LRP1B: variants seen among roughly 807,000 people sequenced by gnomAD.
LRP1B encodes the protein low-density lipoprotein receptor-related protein 1B.
A neutral mutation model predicts 556.6 loss-of-function variants in LRP1B; 217 were observed. That is an observed-to-expected ratio of 0.39 (90% CI 0.35 to 0.44). LRP1B has a LOEUF of 0.44. Among genes scored for constraint, LRP1B ranks in the 20% least tolerant of loss-of-function variants. LRP1B has a pLI of 1.00. For missense variants in LRP1B, 5,053 were observed against 5,620.8 expected, an observed-to-expected ratio of 0.90 and a Z score of 3.23; for synonymous variants, 2,047 against 1,865.8, an observed-to-expected ratio of 1.10 and a Z score of -2.50.
chr2:140,295,383 T>C (rs1257715101), intron 84 of LRP1B, among the ~76,000 whole-genome samples: 5 of 152,192 alleles, frequency 3.3e-5, no homozygotes, highest in Non-Finnish European at 7.3e-5. Context: ...TAAACTACTT[T>C]AAATGTTTTC....
At chr2:141,175,768 C>T (rs1450858194) in intron 7 of LRP1B, among the ~76,000 whole-genome samples, 1 of 152,068 alleles carries the variant, frequency 6.6e-6, no homozygotes, top group Non-Finnish European at 1.5e-5. Flanking sequence ...AATGGAAGAT[C>T]TACCAACAGC....
At chr2:140,834,347 C>T (rs60798059) in intron 31 of LRP1B, among the ~76,000 whole-genome samples, 6,176 of 152,230 alleles carry the variant, frequency 0.041, 412 homozygotes, top group African/African-American at 0.14. Flanking sequence ...TCAAGCGATC[C>T]TCCTGCCTCA....
intron 11 of LRP1B, among the ~76,000 whole-genome samples, chr2:141,024,381 T>C (rs1028828843): frequency 7.2e-5 from 11 of 152,002 alleles, no homozygotes; most frequent in African/African-American, 2.7e-4. Flanking sequence ...CAAAGAGATA[T>C]GTAGAGTGCA....
chr2:141,320,093 GAACACACCTTGAATAGC>G (rs1687182633), intron 3 of LRP1B, among the ~76,000 whole-genome samples: 1 of 151,924 alleles, frequency 6.6e-6, no homozygotes, highest in Admixed American at 6.6e-5. Context: ...CTAGACTATG[GAACACACCTTGAATAGC>G]AAGGTTCTAC....
At chr2:140,876,022 C>T (rs188372110) in intron 25 of LRP1B, among the ~76,000 whole-genome samples, 33 of 152,182 alleles carry the variant, frequency 2.2e-4, no homozygotes, top group African/African-American at 7.9e-4. Context: ...GTTTTATAAT[C>T]AGCTATAAAA....
intron 1 of LRP1B, among the ~76,000 whole-genome samples, chr2:141,959,858 T>C (rs891737835): frequency 9.9e-5 from 15 of 151,952 alleles, no homozygotes; most frequent in African/African-American, 3.6e-4. Flanking sequence ...AGCACAGTAC[T>C]GATGAGCAGA....
At chr2:140,641,167 A>G (rs2105299279) in intron 41 of LRP1B, among the ~76,000 whole-genome samples, 1 of 152,332 alleles carries the variant, frequency 6.6e-6, no homozygotes, top group African/African-American at 2.4e-5. Flanking sequence ...TCTAAGTAGC[A>G]AAGCCTTTTG....
Position 142,088,202 on chromosome 2 carries a change from G to A in LRP1B, c.82+42446C>T, listed in dbSNP as rs1706016755. Among the ~76,000 whole-genome samples, 2 of 152,084 alleles carry A rather than the reference G, an allele frequency of 1.3e-5. 1 individual carries two copies. The highest frequency in any genetic ancestry group is 4.8e-5 in the African/African-American group (2 of 41,434). On this transcript the variant is annotated intron_variant, in intron 1 of 90. Coordinates refer to ENST00000389484, the MANE Select transcript of LRP1B (RefSeq NM_018557.3). ...TTTAAATTTTGCATAAAGGATATCA[G>A]TTATACTACTTGATATTTAGAAGAT...
At chr2:141,455,816 C>T (rs1295644568) in intron 3 of LRP1B, among the ~76,000 whole-genome samples, 1 of 152,130 alleles carries the variant, frequency 6.6e-6, no homozygotes, top group African/African-American at 2.4e-5. Context: ...GCCATTTAAA[C>T]TTGAAAATGT....
chr2:141,287,106 G>A (rs1182326537), intron 3 of LRP1B, among the ~76,000 whole-genome samples: 3 of 152,082 alleles, frequency 2.0e-5, no homozygotes, highest in Admixed American at 1.3e-4. Flanking sequence ...CATTAACTTA[G>A]TTAGGAGTTT....
rs2105359202 is a variant in LRP1B, at chr2:140,994,119, T to A, written c.2520A>T (p.Ala840=). 6.2e-7 allele frequency: 1 copy of A among 1,612,490 alleles called. No homozygotes were observed. Among genetic ancestry groups the A allele is most frequent in the South Asian group, 1.1e-5 (1 of 91,020 alleles). The change falls in exon 16 of 91, where the codon GCA becomes GCT. Residue 840 remains alanine (A), a synonymous_variant. Transcript: ENST00000389484. ...GTTCTFNPGE[A]LPHICKAGEF... The stretch of plus-strand genomic sequence containing the variant: ...CTCCAGCTTTACATATGTGAGGTAG[T>A]GCTTCTCCAGGATTAACTAGAGTTA...
chr2:140,353,112 A>G lies in LRP1B; in HGVS notation c.11531-40T>C, dbSNP rs1371998770. On this transcript the variant is annotated intron_variant, in intron 75 of 90. Transcript: ENST00000389484. Reference sequence around the variant, plus strand: ...CTCAAAATAGCATCATCATACCCTCAATTCAGACTCCTATTCTTACCACGT... The same window carrying G: ...CTCAAAATAGCATCATCATACCCTCGATTCAGACTCCTATTCTTACCACGT... 40 of 1,605,412 alleles carry G rather than the reference A, an allele frequency of 2.5e-5. 1 individual carries two copies. The East Asian group carries it at 9.0e-4, about 36-fold the overall frequency.
At chr2:140,684,071 T>C (rs1471391696) in intron 41 of LRP1B, among the ~76,000 whole-genome samples, 2 of 152,160 alleles carry the variant, frequency 1.3e-5, no homozygotes, top group Non-Finnish European at 2.9e-5. Flanking sequence ...TATATTTTAA[T>C]AATACCAATG....
intron 21 of LRP1B, among the ~76,000 whole-genome samples, chr2:140,908,329 CTCTCTA>C (rs1170292730): frequency 2.2e-5 from 3 of 134,764 alleles, no homozygotes; most frequent in Non-Finnish European, 3.1e-5. Flanking sequence ...TGCTCTCTCT[CTCTCTA>C]TATATATATA....
intron 10 of LRP1B, among the ~76,000 whole-genome samples, chr2:141,049,902 G>A (rs892252633): frequency 6.6e-6 from 1 of 151,814 alleles, no homozygotes; most frequent in South Asian, 2.1e-4. Flanking sequence ...AAAACCCCAA[G>A]CAAAAAACTG....
chr2:142,004,516 C>T (rs1047247558), intron 1 of LRP1B, among the ~76,000 whole-genome samples: 3 of 151,376 alleles, frequency 2.0e-5, no homozygotes, highest in Non-Finnish European at 1.5e-5. Flanking sequence ...TTTGAAATTG[C>T]TATTATAGAA....
chr2:140,466,129 T>C (rs1479101796), intron 60 of LRP1B, among the ~76,000 whole-genome samples: 1 of 150,744 alleles, frequency 6.6e-6, no homozygotes. Flanking sequence ...TTTTTCTTTT[T>C]TTTTTTTTTT....
At chr2:141,576,476 TA>T (rs1253143245) in intron 2 of LRP1B, among the ~76,000 whole-genome samples, 1 of 152,068 alleles carries the variant, frequency 6.6e-6, no homozygotes, top group Non-Finnish European at 1.5e-5. Flanking sequence ...GGAGGGAACT[TA>T]GAGGACGGGT....
At chr2:141,713,750 T>A (rs1692462143) in intron 2 of LRP1B, among the ~76,000 whole-genome samples, 1 of 152,224 alleles carries the variant, frequency 6.6e-6, no homozygotes, top group African/African-American at 2.4e-5. Flanking sequence ...ATGCATTATG[T>A]ATTTTTCTCA....
Sources: gnomAD v4.1 joint callset for allele counts (sites outside exome capture counted in the v4.1 genomes callset) on GRCh38, gnomAD v4.1.1 for gene constraint, MANE v1.5 for transcripts, NCBI Gene and HGNC (gene_info 2026-07-23, HGNC 2026-07-21) for gene names.